FRYL: variants seen among roughly 807,000 people sequenced by gnomAD.
The protein encoded by FRYL is FRY like transcription coactivator.
FRYL carries 150 observed loss-of-function variants against 351.2 expected under a neutral mutation model. The ratio of observed to expected loss-of-function variants is 0.43; its 90% confidence interval spans 0.37 to 0.49. The LOEUF (loss-of-function observed/expected upper bound fraction) is 0.49, where lower values mean the gene tolerates loss of function less well. Ranked by LOEUF, FRYL falls within the 20% of genes least tolerant of loss-of-function variation. The pLI is 0.00. For synonymous variants in FRYL, 1,153 were observed against 1,257.1 expected (o/e 0.92, Z 1.75); for missense variants, 3,036 against 3,619.3 (o/e 0.84, Z 4.13).
At chr4:48,755,696 A>G (rs1174743181) in intron 1 of FRYL, among the ~76,000 whole-genome samples, 6 of 152,132 alleles carry the variant, frequency 3.9e-5, no homozygotes, top group Admixed American at 3.9e-4. Flanking sequence ...ATCAAAGCCA[A>G]TGTTTTTGGT....
chr4:48,658,584 C>CAAAAAAAAAAAAA (rs11388062), intron 3 of FRYL, among the ~76,000 whole-genome samples: 5 of 95,812 alleles, frequency 5.2e-5, no homozygotes, highest in African/African-American at 8.3e-5. Flanking sequence ...CAAAAAAATA[C>CAAAAAAAAAAAAA]AAAAAAAAAA....
intron 13 of FRYL, among the ~76,000 whole-genome samples, chr4:48,597,960 A>G (rs2149237357): frequency 6.6e-6 from 1 of 152,376 alleles, no homozygotes; most frequent in African/African-American, 2.4e-5. Context: ...ATCTAATTTG[A>G]ACAATTACAC....
At chr4:48,739,964 A>G (rs993916649) in intron 1 of FRYL, among the ~76,000 whole-genome samples, 9 of 152,202 alleles carry the variant, frequency 5.9e-5, no homozygotes, top group African/African-American at 2.2e-4. Flanking sequence ...ACCTTGGGAC[A>G]CTTTAGAGAG....
chr4:48,541,974 TA>T, intron 45 of FRYL, 52 bp downstream of exon 45: 1 of 1,134,332 alleles, frequency 8.8e-7, no homozygotes, highest in Non-Finnish European at 1.3e-6. Flanking sequence ...TAGCTATATG[TA>T]GTTAGCTATT....
intron 47 of FRYL, among the ~76,000 whole-genome samples, chr4:48,536,037 T>C (rs1269059822): frequency 6.6e-6 from 1 of 152,214 alleles, no homozygotes; most frequent in African/African-American, 2.4e-5. Context: ...AGAGGATTAA[T>C]GTCTTTGTGG....
chr4:48,743,582 T>G (rs1219590726), intron 1 of FRYL, among the ~76,000 whole-genome samples: 1 of 152,228 alleles, frequency 6.6e-6, no homozygotes, highest in East Asian at 1.9e-4. Context: ...TTTAAACATC[T>G]CAGTGAATAC....
chr4:48,671,595 A>G (rs1762675817), intron 3 of FRYL, among the ~76,000 whole-genome samples: 1 of 152,124 alleles, frequency 6.6e-6, no homozygotes. Context: ...TGAACCCGGG[A>G]GGCAGAGGTT....
chr4:48,680,227 T>A (rs756983457), intron 3 of FRYL, among the ~76,000 whole-genome samples: 1 of 152,036 alleles, frequency 6.6e-6, no homozygotes, highest in Non-Finnish European at 1.5e-5. Flanking sequence ...TATTAATTTA[T>A]AGGTACAGCT....
chr4:48,610,227 A>G (rs1360907221), intron 7 of FRYL, among the ~76,000 whole-genome samples: 1 of 152,302 alleles, frequency 6.6e-6, no homozygotes, highest in African/African-American at 2.4e-5. Flanking sequence ...GAAAATGGTC[A>G]CAAGGGACAC....
chr4:48,634,687 T>C (rs545768406), intron 3 of FRYL, among the ~76,000 whole-genome samples, 197 bp from the exon 4 acceptor site: 16 of 152,314 alleles, frequency 1.1e-4, no homozygotes, highest in Middle Eastern at 3.4e-3. Flanking sequence ...TATTATGTAC[T>C]GTTTCTCTCT....
At chr4:48,572,104 G>T in intron 26 of FRYL, 2 of 494,960 alleles carry the variant, frequency 4.0e-6, no homozygotes, top group Non-Finnish European at 5.2e-6. Flanking sequence ...AAACTGCAGG[G>T]ATTATCACCA....
At chr4:48,709,602 C>A (rs1425766249) in intron 2 of FRYL, among the ~76,000 whole-genome samples, 1 of 152,004 alleles carries the variant, frequency 6.6e-6, no homozygotes, top group Non-Finnish European at 1.5e-5. Flanking sequence ...TCAAAAAAAA[C>A]CAAAAATCTA....
intron 7 of FRYL, among the ~76,000 whole-genome samples, chr4:48,610,659 T>C (rs940007618): frequency 1.4e-5 from 2 of 146,660 alleles, no homozygotes; most frequent in African/African-American, 2.5e-5. Flanking sequence ...GTATATATTG[T>C]ATATATACAT....
In FRYL at chr4:48,499,360, G is replaced by T; in HGVS notation, c.*62C>A. On this transcript the variant is annotated 3_prime_UTR_variant, in exon 64 of 64. Coordinates refer to ENST00000358350, the MANE Select transcript of FRYL (RefSeq NM_015030.2). ...CAGTGAATGCAAGGGTCCATAAAAG[G>T]TGCTTGGTTAATATTCTTCATCATC... The T allele has an allele frequency of 1.4e-6, 2 of 1,480,308 alleles. No homozygotes were observed. Among genetic ancestry groups the T allele is most frequent in the Non-Finnish European group, 9.4e-7 (1 of 1,065,694 alleles). The allele number at this position is 1,480,308 out of a possible 1,614,324, so 91.7% of individuals were successfully genotyped here.
At chr4:48,656,885 T>A (rs1332866704) in intron 3 of FRYL, among the ~76,000 whole-genome samples, 1 of 152,120 alleles carries the variant, frequency 6.6e-6, no homozygotes, top group Non-Finnish European at 1.5e-5. Flanking sequence ...CCCATTTATA[T>A]GTAGACTAAC....
At chr4:48,576,009 C>G (rs748797931) in intron 24 of FRYL, 21 bp downstream of exon 24, 2 of 1,532,844 alleles carry the variant, frequency 1.3e-6, no homozygotes, top group Admixed American at 2.1e-5. Flanking sequence ...ATATATCCAA[C>G]AGTGGATCTG....
chr4:48,681,072 C>T (rs1487449525), intron 3 of FRYL: 8 of 1,276,058 alleles, frequency 6.3e-6, no homozygotes, highest in Non-Finnish European at 8.1e-6. Context: ...TACTAGTATC[C>T]AAAACCACAT....
chr4:48,526,331 G>A (rs1726227337), intron 53 of FRYL, among the ~76,000 whole-genome samples: 1 of 152,126 alleles, frequency 6.6e-6, no homozygotes, highest in Non-Finnish European at 1.5e-5. Context: ...TAAACTTTCA[G>A]GGTTAAGAGA....
At chr4:48,645,122 TTTTATATATATATATATA>T (rs1229010143) in intron 3 of FRYL, among the ~76,000 whole-genome samples, 4 of 15,030 alleles carry the variant, frequency 2.7e-4, no homozygotes, top group Non-Finnish European at 5.6e-4. Context: ...TGAGCTTTCA[TTTTATATATATATATATA>T]TATATATATA....
Sources: gnomAD v4.1 joint callset for allele counts (sites outside exome capture counted in the v4.1 genomes callset) on GRCh38, gnomAD v4.1.1 for gene constraint, MANE v1.5 for transcripts, NCBI Gene and HGNC (gene_info 2026-07-23, HGNC 2026-07-21) for gene names.